The following RBFOX1 variants were observed in gnomAD, a reference collection of about 807,000 sequenced individuals.
RBFOX1 encodes RNA binding fox-1 homolog 1.
A neutral mutation model predicts 57.7 loss-of-function variants in RBFOX1; 8 were observed. The ratio of observed to expected loss-of-function variants is 0.14; its 90% confidence interval spans 0.08 to 0.25. RBFOX1 has a LOEUF of 0.25. Ranked by LOEUF, RBFOX1 falls within the 10% of genes least tolerant of loss-of-function variation. RBFOX1 has a pLI of 1.00. For missense variants in RBFOX1, 611 were observed against 548.5 expected (o/e 1.11, Z -1.14); for synonymous variants, 326 against 222.4 (o/e 1.47, Z -4.15).
chr16:5,695,218 C>G (rs910651756), intron 3 of RBFOX1, among the ~76,000 whole-genome samples: 1 of 151,910 alleles, frequency 6.6e-6, no homozygotes, highest in Non-Finnish European at 1.5e-5. Context: ...TAATTTTTTA[C>G]TCTAATATTG....
intron 2 of RBFOX1, among the ~76,000 whole-genome samples, chr16:6,527,691 T>C (rs540758358): frequency 5.4e-5 from 8 of 147,730 alleles, no homozygotes; most frequent in Admixed American, 1.3e-4. Context: ...CTGGAGAGCC[T>C]GTGGTTTATC....
intron 3 of RBFOX1, among the ~76,000 whole-genome samples, chr16:6,745,360 CCA>C (rs201855458): frequency 0.02 from 3,063 of 152,142 alleles, 113 homozygotes; most frequent in African/African-American, 0.07. Context: ...ACCCCCGAAA[CCA>C]CAGACTAGTC....
intron 4 of RBFOX1, among the ~76,000 whole-genome samples, chr16:7,080,269 T>C (rs187326323): frequency 2.2e-4 from 33 of 152,168 alleles, no homozygotes; most frequent in Admixed American, 1.5e-3. Flanking sequence ...ATTTTAGGGA[T>C]CTTTACTGCA....
intron 3 of RBFOX1, among the ~76,000 whole-genome samples, chr16:7,029,035 A>G (rs1275582918): frequency 7.8e-6 from 1 of 128,532 alleles, no homozygotes; most frequent in Non-Finnish European, 1.6e-5. Context: ...CATAAAACAG[A>G]AAAAAAAAAG....
At chr16:5,622,583 G>A (rs80272563) in intron 3 of RBFOX1, among the ~76,000 whole-genome samples, 1 of 152,206 alleles carries the variant, frequency 6.6e-6, no homozygotes, top group African/African-American at 2.4e-5. Flanking sequence ...TATTTGCTTA[G>A]ACCAAGGGTT....
intron 1 of RBFOX1, among the ~76,000 whole-genome samples, chr16:6,153,043 T>TA (rs1025977594): frequency 9.9e-5 from 15 of 151,356 alleles, no homozygotes; most frequent in Admixed American, 4.6e-4. Context: ...GTTTTTTTTT[T>TA]TTTTTTGTTA....
intron 3 of RBFOX1, among the ~76,000 whole-genome samples, chr16:5,692,011 ACT>A (rs1252031691): frequency 1.6e-5 from 1 of 61,970 alleles, no homozygotes; most frequent in Non-Finnish European, 3.8e-5. Flanking sequence ...ACATTTGGTA[ACT>A]CTTTTTTTAT....
At chr16:7,413,036 C>T (rs532302520) in intron 4 of RBFOX1, among the ~76,000 whole-genome samples, 9 of 150,996 alleles carry the variant, frequency 6.0e-5, no homozygotes, top group East Asian at 2.0e-4. Context: ...AGCGAGACTC[C>T]GTCTCAAAAC....
chr16:6,116,125 T>C (rs1205220922), intron 1 of RBFOX1, among the ~76,000 whole-genome samples: 1 of 152,108 alleles, frequency 6.6e-6, no homozygotes, highest in Non-Finnish European at 1.5e-5. Context: ...TTTAGGGACA[T>C]GGGTGAAGCT....
At chr16:6,738,779 G>T (rs2154180565) in intron 3 of RBFOX1, among the ~76,000 whole-genome samples, 1 of 152,216 alleles carries the variant, frequency 6.6e-6, no homozygotes, top group East Asian at 1.9e-4. Flanking sequence ...TGAAATCTTG[G>T]GGTGTGGTCT....
intron 2 of RBFOX1, among the ~76,000 whole-genome samples, chr16:6,544,170 C>A (rs567243762): frequency 5.9e-5 from 9 of 152,264 alleles, no homozygotes; most frequent in Middle Eastern, 3.4e-3. Flanking sequence ...CGGTGCTCAT[C>A]CCAGGGGCAA....
intron 3 of RBFOX1, among the ~76,000 whole-genome samples, chr16:6,833,554 C>T (rs1163682968): frequency 6.6e-6 from 1 of 152,196 alleles, no homozygotes; most frequent in Non-Finnish European, 1.5e-5. Context: ...TACTCTCTGA[C>T]AGTCTGACCG....
intron 1 of RBFOX1, among the ~76,000 whole-genome samples, chr16:6,099,308 G>T (rs186269257): frequency 1.3e-5 from 2 of 152,292 alleles, no homozygotes; most frequent in Admixed American, 1.3e-4. Context: ...ATGATTTCAT[G>T]ATGACGTCAG....
At chr16:6,354,584 C>G (rs1218118516) in intron 2 of RBFOX1, among the ~76,000 whole-genome samples, 2 of 152,202 alleles carry the variant, frequency 1.3e-5, no homozygotes, top group South Asian at 2.1e-4. Flanking sequence ...CCCTCTTCCT[C>G]TGGCTCATTC....
At chr16:5,387,437 G>C (rs1012062808) in intron 1 of RBFOX1, among the ~76,000 whole-genome samples, 1 of 152,178 alleles carries the variant, frequency 6.6e-6, no homozygotes, top group Non-Finnish European at 1.5e-5. Context: ...AATTCATTCT[G>C]TTATGCCTTT....
chr16:5,667,308 A>G lies in RBFOX1; in HGVS notation c.318+68347A>G, dbSNP rs1386247176. ...CCCTTTCTTATTTTCTAATACGTAC[A>G]TGTAAGGCTATACATTTTCCCCTGA... On this transcript the variant is annotated intron_variant, in intron 3 of 19. Transcript: ENST00000641259. Among the ~76,000 whole-genome samples, 3 of 152,190 alleles carry G rather than the reference A, an allele frequency of 2.0e-5. No individual in the cohort carries two copies. In the East Asian group the frequency reaches 5.8e-4, roughly 29 times the overall value.
At position 6,853,181 on chromosome 16, in the gene RBFOX1, G is replaced by C. The variant is rs1283341575; in HGVS notation, c.-16+198531G>C. Among the ~76,000 whole-genome samples the C allele has an allele frequency of 2.0e-5, 3 of 152,262 alleles. No individual in the cohort carries two copies. In the East Asian group the frequency reaches 5.8e-4, roughly 29 times the overall value. ...AGCCTGAGTTTCCTCCTTTGTAAAA[G>C]GAGACTAATACTGGTGTTTACCCTT... On this transcript the variant is annotated intron_variant, in intron 3 of 15. Coordinates refer to ENST00000550418, the MANE Select transcript of RBFOX1 (RefSeq NM_018723.4).
chr16:6,367,658 G>A (rs1175747358), intron 2 of RBFOX1, among the ~76,000 whole-genome samples: 1 of 152,026 alleles, frequency 6.6e-6, no homozygotes, highest in Non-Finnish European at 1.5e-5. Context: ...ATGGGAGAGG[G>A]AGCTGGGGTG....
intron 3 of RBFOX1, among the ~76,000 whole-genome samples, chr16:6,836,581 A>G (rs2093114424): frequency 6.6e-6 from 1 of 152,180 alleles, no homozygotes; most frequent in Non-Finnish European, 1.5e-5. Flanking sequence ...GAGAAATCAA[A>G]TCATCTTTCA....
Sources: gnomAD v4.1 joint callset for allele counts (sites outside exome capture counted in the v4.1 genomes callset) on GRCh38, gnomAD v4.1.1 for gene constraint, MANE v1.5 for transcripts, NCBI Gene and HGNC (gene_info 2026-07-23, HGNC 2026-07-21) for gene names.